XPO6: variants seen among roughly 807,000 people sequenced by gnomAD.
XPO6 encodes exportin-6.
Under a neutral mutation model 130.0 loss-of-function variants are expected in XPO6, and 3 were observed. The ratio of observed to expected loss-of-function variants is 0.02; its 90% CI spans 0.01 to 0.06. XPO6 has a LOEUF of 0.06. XPO6 is among the 10% of genes least tolerant of loss of function. XPO6 has a pLI of 1.00. For missense variants in XPO6, 970 were observed against 1,393.0 expected (o/e 0.70, Z 4.83); for synonymous variants, 524 against 548.9 (o/e 0.95, Z 0.63).
intron 1 of XPO6, among the ~76,000 whole-genome samples, chr16:28,197,267 G>A (rs185020278): frequency 6.6e-6 from 1 of 151,960 alleles, no homozygotes. Flanking sequence ...AAAATAATGT[G>A]TATTTTACTA....
chr16:28,107,441 C>CA, intron 18 of XPO6, 81 bp downstream of exon 18: 1 of 1,517,480 alleles, frequency 6.6e-7, no homozygotes, highest in Non-Finnish European at 9.1e-7. Flanking sequence ...TGCACCGACT[C>CA]AGTGTGTTCT....
chr16:28,170,347 A>AG (rs1159076339), intron 4 of XPO6, among the ~76,000 whole-genome samples: 2 of 151,840 alleles, frequency 1.3e-5, no homozygotes, highest in South Asian at 4.2e-4. Context: ...AAAAAAAAAA[A>AG]AAAGAAACAT....
At chr16:28,198,567 G>T (rs1198751778) in intron 1 of XPO6, among the ~76,000 whole-genome samples, 1 of 151,886 alleles carries the variant, frequency 6.6e-6, no homozygotes, top group Non-Finnish European at 1.5e-5. Context: ...ACTTTGGGAG[G>T]CCAAAGCAGG....
chr16:28,191,941 C>G (rs1485226988), intron 1 of XPO6, among the ~76,000 whole-genome samples: 1 of 152,076 alleles, frequency 6.6e-6, no homozygotes, highest in African/African-American at 2.4e-5. Context: ...TGAATTATTC[C>G]CAGGTAGACT....
chr16:28,196,580 GATGT>G (rs2043867831), intron 1 of XPO6, among the ~76,000 whole-genome samples: 1 of 152,192 alleles, frequency 6.6e-6, no homozygotes, highest in African/African-American at 2.4e-5. Context: ...CCATAGTCTG[GATGT>G]GGTTTGTCTC....
chr16:28,109,286 A>G (rs897829285), intron 17 of XPO6, among the ~76,000 whole-genome samples: 4 of 151,580 alleles, frequency 2.6e-5, no homozygotes, highest in Non-Finnish European at 5.9e-5. Context: ...AAACCATTAA[A>G]ACCTTTTTTC....
At position 28,102,003 on chromosome 16, in the gene XPO6, AC is replaced by A. The variant is rs769386518; in HGVS notation, c.2947-59del. Reference sequence around the variant, plus strand: ...AAGACCAAGCACTTCTGGAGCATCTACCCCATGTCAGAAGAACAAGTGCCAG... The same window carrying A: ...AAGACCAAGCACTTCTGGAGCATCTACCCATGTCAGAAGAACAAGTGCCAG... On this transcript the variant is annotated intron_variant, in intron 21 of 23. Coordinates refer to ENST00000304658, the MANE Select transcript of XPO6 (RefSeq NM_015171.4). The A allele has an allele frequency of 1.1e-4, 163 of 1,448,386 alleles. No homozygotes were observed. The Middle Eastern group carries it at 1.9e-3, about 17-fold the overall frequency. The allele number at this position is 1,448,386 out of a possible 1,614,324, so 89.7% of individuals were successfully genotyped here. A position where few individuals can be genotyped will look rare whatever the true frequency, so the allele number is the denominator to read the frequency against.
intron 15 of XPO6, 107 bp downstream of exon 15, chr16:28,117,211 T>C: frequency 7.1e-7 from 1 of 1,405,058 alleles, no homozygotes; most frequent in Non-Finnish European, 9.8e-7. Flanking sequence ...CAGAAAGATT[T>C]ATGGGTCTAA....
intron 9 of XPO6, among the ~76,000 whole-genome samples, chr16:28,143,872 T>G (rs1225904405): frequency 6.6e-6 from 1 of 152,150 alleles, no homozygotes; most frequent in Non-Finnish European, 1.5e-5. Flanking sequence ...CCTGACCTCG[T>G]GGTCCCCCTG....
intron 21 of XPO6, 27 bp downstream of exon 21, chr16:28,104,519 C>G (rs1195012520): frequency 1.2e-6 from 2 of 1,612,774 alleles, no homozygotes; most frequent in Admixed American, 3.3e-5. Flanking sequence ...AGGAAGTCAC[C>G]TGGCAGCAAC....
chr16:28,105,050 C>A (rs1433228364), intron 20 of XPO6, among the ~76,000 whole-genome samples: 1 of 152,200 alleles, frequency 6.6e-6, no homozygotes, highest in Non-Finnish European at 1.5e-5. Flanking sequence ...AGTGGATGAA[C>A]AATTAGGAGT....
chr16:28,101,572 G>A lies in XPO6; in HGVS notation c.3162C>T (p.Ala1054=). The change falls in exon 23 of 24, where the codon GCC becomes GCT. Residue 1054 remains alanine (A), a synonymous_variant. Coordinates refer to ENST00000304658, the MANE Select transcript of XPO6 (RefSeq NM_015171.4). The surrounding 1 kb of genome is among the most constrained non-coding windows in gnomAD (Gnocchi z 5.4). ...EEIGIAIYNM[A]SVDFDGFFAA... is the part of the protein sequence containing the mutation. ...CAAAGAAGCCATCAAAGTCGACTGA[G>A]GCCATGTTGTAGATGGCGATGCCAA... 1 of 1,614,232 alleles carries A rather than the reference G, an allele frequency of 6.2e-7. No individual in the cohort carries two copies. The highest frequency in any genetic ancestry group is 8.5e-7 in the Non-Finnish European group (1 of 1,180,042).
At chr16:28,146,001 C>T (rs2141799591) in intron 9 of XPO6, 93 bp downstream of exon 9, 1 of 896,400 alleles carries the variant, frequency 1.1e-6, no homozygotes, top group Non-Finnish European at 1.8e-6. Flanking sequence ...GACTCAGCTT[C>T]ACTGAAAAGG....
chr16:28,206,435 T>C (rs1315234561), intron 1 of XPO6, among the ~76,000 whole-genome samples: 2 of 152,028 alleles, frequency 1.3e-5, no homozygotes, highest in East Asian at 1.9e-4. Context: ...TAGTCTCAGC[T>C]ACTGAGGAGG....
intron 14 of XPO6, among the ~76,000 whole-genome samples, chr16:28,118,359 G>GTTTA (rs1388585767): frequency 2.0e-5 from 3 of 152,186 alleles, no homozygotes; most frequent in African/African-American, 7.2e-5. Context: ...TTGGGTTTTT[G>GTTTA]TTTATCTGTT....
At chr16:28,172,801 T>C (rs1261425263) in intron 4 of XPO6, among the ~76,000 whole-genome samples, 2 of 151,994 alleles carry the variant, frequency 1.3e-5, no homozygotes, top group African/African-American at 4.8e-5. Context: ...AAAAAAACCC[T>C]TGAGATGATT....
rs2043181000 is a variant in XPO6, at chr16:28,156,152, G to GTCTGCTGGAACA, written c.1007_1018dup (p.Met336_Gln339dup). ...GGTGATTTTCTGCAGGAGGTAGAAAGTCTGCTGGAACATACGCAGTAAATA... is the reference window on the plus strand; with the variant it reads ...GGTGATTTTCTGCAGGAGGTAGAAAGTCTGCTGGAACATCTGCTGGAACATACGCAGTAAATA... On this transcript the variant is annotated inframe_insertion, in exon 7 of 24. Transcript: ENST00000304658. 1 of 1,613,996 alleles carries GTCTGCTGGAACA rather than the reference G, an allele frequency of 6.2e-7. No homozygotes were observed. Among genetic ancestry groups the GTCTGCTGGAACA allele is most frequent in the Admixed American group, 1.7e-5 (1 of 60,002 alleles).
chr16:28,144,542 C>G (rs1259307657), intron 9 of XPO6, among the ~76,000 whole-genome samples: 4 of 152,184 alleles, frequency 2.6e-5, no homozygotes, highest in Non-Finnish European at 5.9e-5. Context: ...TCCCATGTGG[C>G]TGAGACTACA....
At chr16:28,111,754 T>A (rs1308501293) in intron 17 of XPO6, 63 bp downstream of exon 17, 29 of 1,569,510 alleles carry the variant, frequency 1.8e-5, no homozygotes, top group Non-Finnish European at 2.3e-5. Context: ...AAATCTCATC[T>A]GCCACAAAGA....
Sources: gnomAD v4.1 joint callset for allele counts (sites outside exome capture counted in the v4.1 genomes callset) on GRCh38, gnomAD v4.1.1 for gene constraint, Gnocchi (gnomAD v3.1) non-coding constraint, MANE v1.5 for transcripts, NCBI Gene and HGNC (gene_info 2026-07-23, HGNC 2026-07-21) for gene names.